Variants in RBKS observed in about 807,000 individuals in gnomAD.
The protein encoded by RBKS is ribokinase.
In RBKS, 33 loss-of-function variants were observed where a neutral mutation model predicts 33.9. That is an observed-to-expected ratio of 0.97 (90% CI 0.74 to 1.30). The LOEUF is 1.30. RBKS is among the 50% of genes most tolerant of loss of function. The pLI is 0.00. For missense variants in RBKS, 361 were observed against 392.6 expected, an observed-to-expected ratio of 0.92 and a Z score of 0.68; for synonymous variants, 125 against 143.0, an observed-to-expected ratio of 0.87 and a Z score of 0.90.
At chr2:27,827,832 A>C (rs1367928803) in intron 6 of RBKS, 77 bp from the exon 7 acceptor site, 5 of 1,250,954 alleles carry the variant, frequency 4.0e-6, no homozygotes, top group Non-Finnish European at 5.3e-6. Flanking sequence ...GTTTTTCTAG[A>C]AAATGTCTCC....
At chr2:27,861,671 G>GA (rs386389786) in intron 1 of RBKS, 4 of 425,370 alleles carry the variant, frequency 9.4e-6, no homozygotes, top group African/African-American at 8.4e-5. Flanking sequence ...TTTGGGGGGG[G>GA]GGTGGAGTCT....
intron 7 of RBKS, among the ~76,000 whole-genome samples, chr2:27,819,905 C>G (rs762110939): frequency 7.2e-5 from 11 of 152,148 alleles, no homozygotes; most frequent in Non-Finnish European, 4.4e-5. Context: ...AAGTATATAA[C>G]AAACTACCAG....
intron 5 of RBKS, among the ~76,000 whole-genome samples, chr2:27,840,802 G>A (rs1007074665): frequency 7.9e-5 from 12 of 152,034 alleles, no homozygotes; most frequent in African/African-American, 2.4e-4. Flanking sequence ...CTTAAAGTGC[G>A]ACACTGTTTG....
At chr2:27,850,904 C>G (rs1187599092) in intron 2 of RBKS, among the ~76,000 whole-genome samples, 1 of 152,192 alleles carries the variant, frequency 6.6e-6, no homozygotes, top group Non-Finnish European at 1.5e-5. Flanking sequence ...TCTGGTAACA[C>G]TGGGTCCACA....
chr2:27,843,881 T>C (rs1412587977), intron 4 of RBKS, among the ~76,000 whole-genome samples: 1 of 152,146 alleles, frequency 6.6e-6, no homozygotes, highest in Non-Finnish European at 1.5e-5. Context: ...GTGCATTTCA[T>C]CTGTAAGGTG....
intron 7 of RBKS, among the ~76,000 whole-genome samples, chr2:27,806,603 C>T (rs981141320): frequency 1.3e-5 from 2 of 152,198 alleles, no homozygotes; most frequent in African/African-American, 4.8e-5. Context: ...AACTGGAACA[C>T]CTTGGTTAAA....
In RBKS at chr2:27,781,739, T is replaced by G. The variant is rs142811862; in HGVS notation, c.845A>C (p.Tyr282Ser). ...VGALAFYLAY[Y>S]PNLSLEDMLN... ...CATGTCTTCCAAGGACAGATTTGGA[T>G]AGTAAGCCAGGTAGAAGGCCAGAGC... The change falls in exon 8 of 8, where the codon TAT becomes TCT. Residue 282 changes from tyrosine to serine, a missense_variant. Transcript: ENST00000302188. The G allele has an allele frequency of 1.0e-4, 164 of 1,613,898 alleles. No individual in the cohort carries two copies. Among genetic ancestry groups the G allele is most frequent in the Non-Finnish European group, 1.3e-4 (149 of 1,179,976 alleles).
At chr2:27,783,632 G>A (rs551622740) in intron 7 of RBKS, among the ~76,000 whole-genome samples, 27 of 152,246 alleles carry the variant, frequency 1.8e-4, no homozygotes, top group East Asian at 7.8e-4. Flanking sequence ...CTTAGGCCGG[G>A]CGCAGTGGCT....
At chr2:27,881,915 G>T (rs1034309548) in intron 1 of RBKS, among the ~76,000 whole-genome samples, 2 of 152,024 alleles carry the variant, frequency 1.3e-5, no homozygotes, top group African/African-American at 4.8e-5. Flanking sequence ...TACAAAAATC[G>T]ACTGAAGATG....
intron 1 of RBKS, among the ~76,000 whole-genome samples, chr2:27,872,313 C>T (rs938535519): frequency 6.6e-6 from 1 of 152,018 alleles, no homozygotes; most frequent in African/African-American, 2.4e-5. Flanking sequence ...GACTGGATTA[C>T]ATTCTCTAGT....
rs756403645 is a variant in RBKS, at chr2:27,814,213, C to G, written c.795+13354G>C. Among the ~76,000 whole-genome samples, 48 of 152,050 alleles carry G rather than the reference C, an allele frequency of 3.2e-4. 1 individual carries two copies. Among genetic ancestry groups the G allele is most frequent in the Non-Finnish European group, 3.4e-4 (23 of 68,008 alleles). On this transcript the variant is annotated intron_variant, in intron 7 of 7. Transcript: ENST00000302188. ...TCCAGCATGGGTGGCAGAGTGAGAC[C>G]CGATCTCTTAAAAGAAAAAAAGCTA...
chr2:27,827,406 A>T (rs942063498), intron 7 of RBKS, among the ~76,000 whole-genome samples, 161 bp downstream of exon 7: 5 of 152,204 alleles, frequency 3.3e-5, no homozygotes, highest in African/African-American at 1.2e-4. Flanking sequence ...AGAGTTAGAG[A>T]GGGATTAAAA....
intron 1 of RBKS, chr2:27,861,609 C>T (rs1013164674): frequency 4.1e-5 from 19 of 465,198 alleles, no homozygotes; most frequent in Admixed American, 9.7e-5. Context: ...AAGTAATACA[C>T]GAGTGAAGAA....
intron 7 of RBKS, among the ~76,000 whole-genome samples, chr2:27,789,785 G>A (rs1055329802): frequency 3.3e-5 from 5 of 150,546 alleles, no homozygotes; most frequent in South Asian, 2.1e-4. Flanking sequence ...GCCTGATCTC[G>A]AGCTCCTGAC....
At chr2:27,820,279 AT>A (rs1377456207) in intron 7 of RBKS, among the ~76,000 whole-genome samples, 2 of 152,172 alleles carry the variant, frequency 1.3e-5, no homozygotes. Context: ...TCCCCAGCCT[AT>A]ACCCCTTCCC....
chr2:27,801,805 G>C (rs1018804932), intron 7 of RBKS, among the ~76,000 whole-genome samples: 1 of 151,416 alleles, frequency 6.6e-6, no homozygotes, highest in Admixed American at 6.6e-5. Flanking sequence ...CACATGGGGA[G>C]AGCAGGAGCA....
intron 2 of RBKS, among the ~76,000 whole-genome samples, chr2:27,855,823 T>C (rs745900239): frequency 1.4e-4 from 22 of 152,238 alleles, no homozygotes; most frequent in Admixed American, 5.2e-4. Context: ...GTTTGGGCCA[T>C]CAATCTTACT....
At chr2:27,785,314 A>C (rs1359822264) in intron 7 of RBKS, among the ~76,000 whole-genome samples, 1 of 152,242 alleles carries the variant, frequency 6.6e-6, no homozygotes, top group Non-Finnish European at 1.5e-5. Flanking sequence ...CTTGCAATAC[A>C]TGTAACATAT....
intron 7 of RBKS, 126 bp from the exon 8 acceptor site, chr2:27,781,914 T>C (rs1318163261): frequency 1.2e-6 from 1 of 813,402 alleles, no homozygotes; most frequent in Non-Finnish European, 1.8e-6. Flanking sequence ...ACAAGGATAA[T>C]ACAGAGTTTC....
Sources: allele counts gnomAD v4.1 joint callset (sites outside exome capture counted in the v4.1 genomes callset), GRCh38; gene constraint gnomAD v4.1.1; transcripts MANE v1.5; gene names NCBI Gene and HGNC (gene_info 2026-07-23, HGNC 2026-07-21).